The following MYPN variants were observed in gnomAD, a reference collection of about 807,000 sequenced individuals.
MYPN encodes the protein sarcomeric protein myopalladin, 145 kDa (MYOP).
In MYPN, 63 loss-of-function variants were observed where a neutral mutation model predicts 129.4. The ratio of observed to expected loss-of-function variants is 0.49; its 90% CI spans 0.40 to 0.60. MYPN has a LOEUF of 0.60. Among genes scored for constraint, MYPN ranks in the 20% least tolerant of loss-of-function variants. The pLI is 0.00. For missense variants in MYPN, 1,596 were observed against 1,635.4 expected, an observed-to-expected ratio of 0.98 and a Z score of 0.42; for synonymous variants, 629 against 600.9, an observed-to-expected ratio of 1.05 and a Z score of -0.68.
At chr10:68,125,754 G>A (rs1374428197) in intron 2 of MYPN, among the ~76,000 whole-genome samples, 1 of 152,180 alleles carries the variant, frequency 6.6e-6, no homozygotes, top group Non-Finnish European at 1.5e-5. Flanking sequence ...TGAAAATTTA[G>A]GTAGAAAGTT....
intron 18 of MYPN, among the ~76,000 whole-genome samples, 195 bp from the exon 19 acceptor site, chr10:68,206,575 C>T (rs933511852): frequency 6.6e-6 from 1 of 152,136 alleles, no homozygotes; most frequent in Admixed American, 6.5e-5. Flanking sequence ...AGGGCAACAG[C>T]AGGTCTCAGC....
chr10:68,210,456 G>C lies in MYPN; in HGVS notation c.*1G>C. On this transcript the variant is annotated 3_prime_UTR_variant, in exon 20 of 20. Transcript: ENST00000358913. ...TGTAGTGGAGAGTGATGAACTTTAAGAATGTCTAGGTACCTGCTGTGTAAG... is the reference window on the plus strand; with the variant it reads ...TGTAGTGGAGAGTGATGAACTTTAACAATGTCTAGGTACCTGCTGTGTAAG... 1 of 1,614,044 alleles carries C rather than the reference G, an allele frequency of 6.2e-7. No homozygotes were observed. Among genetic ancestry groups the C allele is most frequent in the Non-Finnish European group, 8.5e-7 (1 of 1,179,986 alleles).
At chr10:68,131,475 A>G (rs898443277) in intron 2 of MYPN, among the ~76,000 whole-genome samples, 1 of 151,974 alleles carries the variant, frequency 6.6e-6, no homozygotes, top group Non-Finnish European at 1.5e-5. Context: ...GGGAATTGAC[A>G]TCTTTAAAAT....
intron 2 of MYPN, among the ~76,000 whole-genome samples, chr10:68,123,700 A>C (rs569635063): frequency 6.6e-6 from 1 of 150,572 alleles, no homozygotes; most frequent in African/African-American, 2.4e-5. Flanking sequence ...TAAATAAATA[A>C]ATAAATAAAT....
intron 18 of MYPN, among the ~76,000 whole-genome samples, chr10:68,206,202 C>G (rs2043812942): frequency 6.6e-6 from 1 of 152,146 alleles, no homozygotes; most frequent in Non-Finnish European, 1.5e-5. Flanking sequence ...GGATCCCAGC[C>G]TTTGATTCTG....
In MYPN at chr10:68,161,753, GT is replaced by G; in HGVS notation, c.1483+2del. ...GAACCTCGATCCATGGCAGAGCCAG[GT>G]AAAGATGATTTCAACTTTAATTTAT... On this transcript the variant is annotated splice_donor_variant, in intron 8 of 19. Coordinates refer to ENST00000358913, the MANE Select transcript of MYPN (RefSeq NM_032578.4). LOFTEE classifies it high-confidence loss of function. The G allele has an allele frequency of 6.2e-7, 1 of 1,608,932 alleles. No individual in the cohort carries two copies. The highest frequency in any genetic ancestry group is 8.5e-7 in the Non-Finnish European group (1 of 1,176,042).
chr10:68,114,886 T>C (rs1027013247), intron 1 of MYPN, among the ~76,000 whole-genome samples: 10 of 152,138 alleles, frequency 6.6e-5, no homozygotes, highest in African/African-American at 2.4e-4. Flanking sequence ...TCAAGGGTAA[T>C]TACTCATTCT....
At chr10:68,138,104 TTTC>T (rs1232221731) in intron 2 of MYPN, among the ~76,000 whole-genome samples, 1 of 142,978 alleles carries the variant, frequency 7.0e-6, no homozygotes, top group East Asian at 2.1e-4. Context: ...CTTTTTCTTT[TTTC>T]TTCTTTTTTT....
chr10:68,112,467 T>G (rs1280042735), intron 1 of MYPN, among the ~76,000 whole-genome samples: 8 of 152,190 alleles, frequency 5.3e-5, no homozygotes, highest in South Asian at 2.1e-4. Flanking sequence ...AAAATAATAA[T>G]AAGAAAATGG....
chr10:68,167,088 A>C (rs2134171068), intron 10 of MYPN, among the ~76,000 whole-genome samples: 1 of 152,248 alleles, frequency 6.6e-6, no homozygotes, highest in South Asian at 2.1e-4. Flanking sequence ...GAGAAAATAC[A>C]CATTAAATGT....
At chr10:68,197,237 C>T (rs931420098) in intron 15 of MYPN, 115 bp from the exon 16 acceptor site, 215 of 1,127,586 alleles carry the variant, frequency 1.9e-4, no homozygotes, top group Admixed American at 2.6e-4. Context: ...TCCCCTTTCC[C>T]CCTTCAAAAA....
intron 12 of MYPN, among the ~76,000 whole-genome samples, chr10:68,180,528 C>T (rs1048634230): frequency 4.6e-5 from 7 of 152,236 alleles, no homozygotes; most frequent in Non-Finnish European, 1.0e-4. Context: ...TGTCTCTAAA[C>T]TCTGTCTGTC....
At chr10:68,189,256 C>A (rs2043472538) in intron 13 of MYPN, 130 bp downstream of exon 13, 2 of 720,900 alleles carry the variant, frequency 2.8e-6, no homozygotes, top group Non-Finnish European at 4.9e-6. Context: ...TATAGTTGTA[C>A]ATGTTTTAGG....
intron 8 of MYPN, among the ~76,000 whole-genome samples, chr10:68,165,257 A>C (rs1446571636): frequency 6.6e-6 from 1 of 152,204 alleles, no homozygotes; most frequent in Non-Finnish European, 1.5e-5. Flanking sequence ...GTTTGAGACC[A>C]GTCTGCCAAC....
At chr10:68,106,734 G>T (rs779833784), upstream of MYPN, 7 of 717,080 alleles carry the variant, frequency 9.8e-6, no homozygotes, top group South Asian at 1.0e-4. Flanking sequence ...CATGCTTACC[G>T]TCCAAGTGAA....
Position 68,174,191 on chromosome 10 carries a change from C to A in MYPN, c.2099C>A (p.Pro700His). 6.2e-7 allele frequency: 1 copy of A among 1,614,028 alleles called. No individual in the cohort carries two copies. The highest frequency in any genetic ancestry group is 8.5e-7 in the Non-Finnish European group (1 of 1,179,954). The change falls in exon 11 of 20, where the codon CCC becomes CAC. Residue 700 changes from proline (P) to histidine (H), a missense_variant. Pro to His is a moderately conservative substitution (Grantham distance 77, BLOSUM62 -2). Coordinates refer to ENST00000358913, the MANE Select transcript of MYPN (RefSeq NM_032578.4). ...ATGACTGTTTTGAACTCCAATGCTC[C>A]CCCAGCGGTGACAACATCCAGTAAG... The part of the protein sequence containing the change: ...FSMTVLNSNA[P>H]PAVTTSSKQV...
intron 12 of MYPN, among the ~76,000 whole-genome samples, chr10:68,179,028 C>T (rs1370845427): frequency 6.6e-6 from 1 of 151,988 alleles, no homozygotes; most frequent in Non-Finnish European, 1.5e-5. Flanking sequence ...CCAGATACTG[C>T]CCTACGTGAC....
upstream of MYPN, chr10:68,106,821 G>A (rs747626742): frequency 1.3e-4 from 91 of 716,732 alleles, no homozygotes; most frequent in Non-Finnish European, 2.1e-4. Context: ...TTGTTTCTGT[G>A]GCTGACTGAC....
chr10:68,150,018 A>G (rs1481484783), intron 5 of MYPN, 22 bp from the exon 6 acceptor site: 1 of 1,600,494 alleles, frequency 6.2e-7, no homozygotes. Flanking sequence ...CAATGAATTT[A>G]CTGTTGCTTC....
Sources: gnomAD v4.1 joint callset for allele counts (sites outside exome capture counted in the v4.1 genomes callset) on GRCh38, gnomAD v4.1.1 for gene constraint, MANE v1.5 for transcripts, NCBI Gene and HGNC (gene_info 2026-07-23, HGNC 2026-07-21) for gene names.